The following ELL variants were observed in gnomAD, a reference collection of about 807,000 sequenced individuals.
The protein encoded by ELL is RNA polymerase II elongation factor ELL.
Under a neutral mutation model 64.0 loss-of-function variants are expected in ELL, and 18 were observed. The ratio of observed to expected loss-of-function variants is 0.28; its 90% CI spans 0.19 to 0.42. ELL has a LOEUF of 0.42. ELL is among the 10% of genes least tolerant of loss of function. ELL has a pLI of 1.00. For synonymous variants in ELL, 399 were observed against 376.2 expected (o/e 1.06, Z -0.70); for missense variants, 797 against 870.4 (o/e 0.92, Z 1.06).
At chr19:18,484,124 T>C (rs1202000500) in intron 1 of ELL, among the ~76,000 whole-genome samples, 1 of 152,204 alleles carries the variant, frequency 6.6e-6, no homozygotes, top group East Asian at 1.9e-4. Flanking sequence ...CTGCAGTGTC[T>C]GAAACAGAGC....
rs1400285147 is a variant in ELL at position 18,446,298 on chromosome 19, G to T, written c.1704+11C>A. ...AGAGCCAGGGCACAGTAGGCAGCGG[G>T]GGGGCTCTACCTCATACTCCTCGGA... On this transcript the variant is annotated intron_variant, in intron 10 of 11. Coordinates refer to ENST00000262809, the MANE Select transcript of ELL (RefSeq NM_006532.4). The T allele has an allele frequency of 6.4e-7, 1 of 1,562,648 alleles. No individual in the cohort carries two copies.
At chr19:18,448,973 C>CT (rs1299514468) in intron 8 of ELL, among the ~76,000 whole-genome samples, 1 of 152,160 alleles carries the variant, frequency 6.6e-6, no homozygotes, top group Non-Finnish European at 1.5e-5. Context: ...CAAGTACCAC[C>CT]TTCAGGACTC....
chr19:18,519,615 T>C (rs1219816838), intron 1 of ELL, among the ~76,000 whole-genome samples: 1 of 152,218 alleles, frequency 6.6e-6, no homozygotes, highest in South Asian at 2.1e-4. Flanking sequence ...AAGACCAGCC[T>C]GGCCAACATG....
chr19:18,500,078 A>G (rs1975749137), intron 1 of ELL, among the ~76,000 whole-genome samples: 2 of 152,180 alleles, frequency 1.3e-5, no homozygotes, highest in Non-Finnish European at 2.9e-5. Context: ...CCTGGCCAAC[A>G]TGGCAAAATG....
chr19:18,454,840 C>CAAAAAAAAAA lies in ELL; in HGVS notation c.870-3202_870-3193dup, dbSNP rs563546343. Among the ~76,000 whole-genome samples, 163 of 56,484 alleles carry CAAAAAAAAAA rather than the reference C, an allele frequency of 2.9e-3. 2 individuals are homozygous for CAAAAAAAAAA. The highest frequency in any genetic ancestry group is 8.8e-3 in the South Asian group (13 of 1,476). 37.1% of individuals were successfully genotyped at this position (56,484 alleles called of 152,430 possible). ...TGGGCAACAGAGTGAGACTCAGTCTCAAAAAAAAAAAAAAAAAAGGCATCC... is the reference window on the plus strand; with the variant it reads ...TGGGCAACAGAGTGAGACTCAGTCTCAAAAAAAAAAAAAAAAAAAAAAAAAAAAGGCATCC... On this transcript the variant is annotated intron_variant, in intron 6 of 11. Coordinates refer to ENST00000262809, the MANE Select transcript of ELL (RefSeq NM_006532.4).
At chr19:18,509,179 C>T (rs1277637374) in intron 1 of ELL, among the ~76,000 whole-genome samples, 1 of 152,048 alleles carries the variant, frequency 6.6e-6, no homozygotes, top group Non-Finnish European at 1.5e-5. Context: ...CCACAGCAGC[C>T]AGGTTGGAGG....
chr19:18,450,509 T>A lies in ELL; in HGVS notation c.1433A>T (p.His478Leu), dbSNP rs1012051594. Residue 478 changes from histidine (H) to leucine (L), a missense_variant, in exon 8 of 12, where the codon CAT (histidine) becomes CTT (leucine). Coordinates refer to ENST00000262809, the MANE Select transcript of ELL (RefSeq NM_006532.4). ...AQLPDCAPAT[H>L]ATPGAPADTP... ...GTCTGCTGGGGCTCCGGGGGTGGCA[T>A]GGGTGGCAGGTGCACAGTCTGGAAG... The A allele has an allele frequency of 1.2e-6, 2 of 1,613,082 alleles. No homozygotes were observed. Among genetic ancestry groups the A allele is most frequent in the Non-Finnish European group, 1.7e-6 (2 of 1,179,898 alleles).
rs1322026543 is a variant in ELL at position 18,465,420 on chromosome 19, C to T, written c.461G>A (p.Arg154His). Residue 154 changes from arginine (R) to histidine (H), a missense_variant, in exon 4 of 12, where the codon CGC becomes CAC. Coordinates refer to ENST00000262809, the MANE Select transcript of ELL (RefSeq NM_006532.4). ...CCAAACCCACTGCTCACCCAGGTAG[C>T]GGCCTCCAGCCTTGATGACAATGGC... ...RSAIVIKAGG[R>H]YLGKKVQFRK... 2.5e-6 allele frequency: 4 copies of T among 1,597,714 alleles called. No homozygotes were observed. Among genetic ancestry groups the T allele is most frequent in the Admixed American group, 1.7e-5 (1 of 59,338 alleles).
In ELL at chr19:18,512,357, G is replaced by A. The variant is rs1032687873; in HGVS notation, c.135+9564C>T. Among the ~76,000 whole-genome samples, 8 of 152,132 alleles carry A rather than the reference G, an allele frequency of 5.3e-5. No homozygotes were observed. The South Asian group carries it at 6.2e-4, about 12-fold the overall frequency. On this transcript the variant is annotated intron_variant, in intron 1 of 11. Transcript: ENST00000262809. ...TAAAGAAATAAAAATAAAGAAACAG[G>A]CCAGGTGCGGTGACTCACGCCTGTA...
chr19:18,444,607 G>T lies in ELL; in HGVS notation c.*145C>A. 1 of 854,704 alleles carries T rather than the reference G, an allele frequency of 1.2e-6. No homozygotes were observed. Among genetic ancestry groups the T allele is most frequent in the Non-Finnish European group, 1.8e-6 (1 of 567,818 alleles). The allele number at this position is 854,704 out of a possible 1,614,324, so 52.9% of individuals were successfully genotyped here. ...GGTGGGCTTGCAGCCACCCGCCAGG[G>T]CCAGACGTCTGCAGGGGCTGCCCTG... On this transcript the variant is annotated 3_prime_UTR_variant, in exon 12 of 12. Transcript: ENST00000262809.
At chr19:18,489,047 G>A (rs770124224) in intron 1 of ELL, among the ~76,000 whole-genome samples, 5 of 152,288 alleles carry the variant, frequency 3.3e-5, no homozygotes, top group Non-Finnish European at 5.9e-5. Flanking sequence ...CCTGACAGCC[G>A]GAGGGAGCTG....
At chr19:18,451,521 G>C in intron 7 of ELL, 31 bp downstream of exon 7, 1 of 1,456,112 alleles carries the variant, frequency 6.9e-7, no homozygotes, top group Non-Finnish European at 9.0e-7. Flanking sequence ...GCAGGTGCTT[G>C]GGACAGTCAC....
Position 18,461,847 on chromosome 19 carries a change from T to C in ELL, c.475A>G (p.Lys159Glu). 2 of 1,611,210 alleles carry C rather than the reference T, an allele frequency of 1.2e-6. No individual in the cohort carries two copies. Among genetic ancestry groups the C allele is most frequent in the Non-Finnish European group, 1.7e-6 (2 of 1,177,818 alleles). The change falls in exon 5 of 12, where the codon AAG becomes GAG. Residue 159 changes from lysine to glutamate, a missense_variant. Physicochemically the swap from Lys to Glu is moderately conservative, Grantham distance 56. Transcript: ENST00000262809. The part of the protein sequence containing the change: ...IKAGGRYLGK[K>E]VQFRKPAPGA... The stretch of plus-strand genomic sequence containing the variant: ...GGGGCTGGTTTCCGAAACTGAACCT[T>C]CTTGCCTGCAACAAGAATCCAAGCT...
chr19:18,482,336 T>TTTTC lies in ELL; in HGVS notation c.136-9455_136-9454insGAAA, dbSNP rs781472836. On this transcript the variant is annotated intron_variant, in intron 1 of 11. Coordinates refer to ENST00000262809, the MANE Select transcript of ELL (RefSeq NM_006532.4). ...TTTTTTTTTTTTTTTTTTTTTTTTT[T>TTTTC]AAACAGGGTCTCGCCCTGTCACCTA... is the stretch of plus-strand genomic sequence containing the variant. Among the ~76,000 whole-genome samples the TTTTC allele has an allele frequency of 7.7e-4, 98 of 128,008 alleles. 6 individuals carry two copies. Among genetic ancestry groups the TTTTC allele is most frequent in the Non-Finnish European group, 1.5e-3 (86 of 59,204 alleles). The allele number at this position is 128,008 out of a possible 152,430, so 84.0% of individuals were successfully genotyped here.
intron 1 of ELL, among the ~76,000 whole-genome samples, chr19:18,506,893 C>T (rs1042216064): frequency 6.6e-6 from 1 of 152,182 alleles, no homozygotes; most frequent in African/African-American, 2.4e-5. Flanking sequence ...CGCCAGACAT[C>T]GCCTCAGAAT....
intron 2 of ELL, among the ~76,000 whole-genome samples, chr19:18,469,723 A>T (rs1471805808): frequency 6.6e-6 from 1 of 152,246 alleles, no homozygotes; most frequent in African/African-American, 2.4e-5. Context: ...CAGGGCCCAA[A>T]GGCCCGCTCT....
intron 1 of ELL, 106 bp from the exon 2 acceptor site, chr19:18,472,988 G>C (rs972953855): frequency 1.5e-5 from 20 of 1,318,406 alleles, no homozygotes; most frequent in Non-Finnish European, 2.1e-5. Context: ...GGTGAAGATG[G>C]TGTTCTCAGG....
intron 8 of ELL, among the ~76,000 whole-genome samples, chr19:18,447,889 A>C (rs1334741907): frequency 6.6e-6 from 1 of 151,252 alleles, no homozygotes; most frequent in Non-Finnish European, 1.5e-5. Flanking sequence ...GGCTCAAGTG[A>C]TCCTCTTGCC....
At chr19:18,479,220 TG>T (rs778589509) in intron 1 of ELL, among the ~76,000 whole-genome samples, 44 of 152,266 alleles carry the variant, frequency 2.9e-4, no homozygotes, top group Middle Eastern at 3.4e-3. Context: ...CCAGGGATGC[TG>T]CTCAGCACAC....
Sources: gnomAD v4.1 joint callset for allele counts (sites outside exome capture counted in the v4.1 genomes callset) on GRCh38, gnomAD v4.1.1 for gene constraint, MANE v1.5 for transcripts, NCBI Gene and HGNC (gene_info 2026-07-23, HGNC 2026-07-21) for gene names.